Variants in CSMD1 observed in about 807,000 individuals in gnomAD.
CSMD1 encodes the protein CUB and sushi domain-containing protein 1.
CSMD1 carries 213 observed loss-of-function variants against 417.5 expected under a neutral mutation model. The observed-to-expected ratio is 0.51, with a 90% confidence interval of 0.46 to 0.57. CSMD1 has a LOEUF of 0.57. CSMD1 is among the 20% of genes least tolerant of loss of function. The pLI is 0.00. For synonymous variants in CSMD1, 2,862 were observed against 1,736.8 expected (o/e 1.65, Z -16.11); for missense variants, 6,923 against 4,529.7 (o/e 1.53, Z -15.17).
chr8:4,579,810 A>G (rs1799328229), intron 2 of CSMD1, among the ~76,000 whole-genome samples: 1 of 152,080 alleles, frequency 6.6e-6, no homozygotes, highest in Admixed American at 6.6e-5. Context: ...CTTGTGTTCC[A>G]TGTTTCTGTT....
intron 1 of CSMD1, among the ~76,000 whole-genome samples, chr8:4,644,429 A>G (rs1803386566): frequency 6.6e-6 from 1 of 151,488 alleles, no homozygotes; most frequent in Non-Finnish European, 1.5e-5. Flanking sequence ...TTTTTTTGAG[A>G]CAGAGTCTCT....
At chr8:4,230,173 T>C (rs994610239) in intron 3 of CSMD1, among the ~76,000 whole-genome samples, 1 of 152,218 alleles carries the variant, frequency 6.6e-6, no homozygotes, top group African/African-American at 2.4e-5. Context: ...TTTGAATTGA[T>C]ATTCTGAGCC....
At chr8:4,170,808 T>G (rs1237912600) in intron 3 of CSMD1, among the ~76,000 whole-genome samples, 1 of 151,926 alleles carries the variant, frequency 6.6e-6, no homozygotes, top group Non-Finnish European at 1.5e-5. Context: ...ATTACCTATG[T>G]ATTCATCATG....
intron 12 of CSMD1, among the ~76,000 whole-genome samples, chr8:3,438,472 C>G (rs7826618): frequency 0.63 from 95,468 of 152,040 alleles, 30,125 homozygotes; most frequent in East Asian, 0.76. Context: ...AATCTCTTCT[C>G]TCTTCCTATA....
chr8:3,622,584 G>A (rs975362766), intron 7 of CSMD1, among the ~76,000 whole-genome samples: 1 of 152,206 alleles, frequency 6.6e-6, no homozygotes, highest in Non-Finnish European at 1.5e-5. Context: ...TACTTAGTTG[G>A]AATTCTGTGA....
intron 5 of CSMD1, among the ~76,000 whole-genome samples, chr8:3,833,726 G>C (rs1017463812): frequency 1.3e-5 from 2 of 152,018 alleles, no homozygotes; most frequent in Admixed American, 6.6e-5. Flanking sequence ...TAAGGTCTAT[G>C]TTGGCACTTA....
intron 6 of CSMD1, among the ~76,000 whole-genome samples, chr8:3,725,708 G>A (rs553206967): frequency 6.6e-6 from 1 of 152,146 alleles, no homozygotes. Flanking sequence ...TGCAATGAGA[G>A]AGTAGGCAGA....
rs549687554 is a variant in CSMD1, at chr8:4,819,390, C to A, written c.85+174942G>T. 3.3e-5 allele frequency among the ~76,000 whole-genome samples: 5 copies of A among 152,192 alleles called. No homozygotes were observed. In the East Asian group the frequency reaches 7.7e-4, roughly 24 times the overall value. ...GGAAATAGGCCTCTCAAATTTGTTT[C>A]ATTTTATGTCATTCTGCAAGCTTCA... On this transcript the variant is annotated intron_variant, in intron 1 of 69. Transcript: ENST00000635120.
intron 7 of CSMD1, among the ~76,000 whole-genome samples, chr8:3,656,168 G>C (rs933908474): frequency 2.6e-5 from 4 of 152,302 alleles, no homozygotes; most frequent in African/African-American, 9.6e-5. Flanking sequence ...TGTATGTACA[G>C]CTCAAGTGAG....
Position 3,868,133 on chromosome 8 carries a change from T to C in CSMD1, c.819-114091A>G, listed in dbSNP as rs148270337. On this transcript the variant is annotated intron_variant, in intron 5 of 69. Transcript: ENST00000635120. ...TTAAATTATCCTAGCACTTTCTGCT[T>C]GGCAGAAATCACAGCCCTAATTCCA... Among the ~76,000 whole-genome samples, 18 of 152,172 alleles carry C rather than the reference T, an allele frequency of 1.2e-4. 1 individual carries two copies. In the East Asian group the frequency reaches 3.1e-3, roughly 26 times the overall value.
chr8:3,844,316 T>C (rs1355850171), intron 5 of CSMD1, among the ~76,000 whole-genome samples: 4 of 152,138 alleles, frequency 2.6e-5, no homozygotes, highest in African/African-American at 9.7e-5. Flanking sequence ...CATTGGTGGA[T>C]CAATTTCAAG....
At chr8:3,957,144 C>T (rs199631974) in intron 5 of CSMD1, among the ~76,000 whole-genome samples, 2 of 46,766 alleles carry the variant, frequency 4.3e-5, no homozygotes, top group Non-Finnish European at 1.1e-4. Context: ...CTCTTTCTCC[C>T]CCTACTTCAC....
chr8:3,698,043 C>CT (rs34213198), intron 7 of CSMD1, among the ~76,000 whole-genome samples: 1 of 151,872 alleles, frequency 6.6e-6, no homozygotes, highest in African/African-American at 2.4e-5. Context: ...TTAATAGATC[C>CT]TTTTTTTCTG....
At chr8:3,323,665 G>GGGA (rs776039920) in intron 23 of CSMD1, among the ~76,000 whole-genome samples, 1 of 152,312 alleles carries the variant, frequency 6.6e-6, no homozygotes, top group Non-Finnish European at 1.5e-5. Context: ...CACATGACCT[G>GGGA]GGATATGACA....
chr8:4,590,348 T>C (rs1187588697), intron 2 of CSMD1, among the ~76,000 whole-genome samples: 2 of 152,114 alleles, frequency 1.3e-5, no homozygotes, highest in South Asian at 2.1e-4. Context: ...CCAGAATACA[T>C]TAAATTCTAA....
At chr8:3,169,155 C>A (rs570144856) in intron 37 of CSMD1, among the ~76,000 whole-genome samples, 1 of 152,278 alleles carries the variant, frequency 6.6e-6, no homozygotes, top group African/African-American at 2.4e-5. Flanking sequence ...ATGACATAGC[C>A]TCTGCATTAC....
At chr8:3,341,697 C>T (rs1004385266) in intron 23 of CSMD1, among the ~76,000 whole-genome samples, 11 of 152,090 alleles carry the variant, frequency 7.2e-5, no homozygotes, top group African/African-American at 1.9e-4. Flanking sequence ...GAAAAAGCAA[C>T]GAAAATGTGT....
intron 3 of CSMD1, among the ~76,000 whole-genome samples, chr8:4,153,732 G>A (rs1444351436): frequency 1.3e-5 from 2 of 152,182 alleles, no homozygotes; most frequent in South Asian, 2.1e-4. Context: ...CCATGCAGTG[G>A]GCACGGTTTC....
At chr8:3,342,842 G>T (rs762562942) in intron 23 of CSMD1, among the ~76,000 whole-genome samples, 2 of 143,764 alleles carry the variant, frequency 1.4e-5, no homozygotes, top group African/African-American at 5.0e-5. Flanking sequence ...TTATGTAGTT[G>T]TTGTGTGTGT....
Sources: allele counts gnomAD v4.1 joint callset (sites outside exome capture counted in the v4.1 genomes callset), GRCh38; gene constraint gnomAD v4.1.1; transcripts MANE v1.5; gene names NCBI Gene and HGNC (gene_info 2026-07-23, HGNC 2026-07-21).